RBL1: variants seen among roughly 807,000 people sequenced by gnomAD.
RBL1 encodes the protein RB transcriptional corepressor like 1, also known as retinoblastoma-like protein 1.
A neutral mutation model predicts 123.0 loss-of-function variants in RBL1; 82 were observed. The ratio of observed to expected loss-of-function variants is 0.67; its 90% CI spans 0.56 to 0.80. The LOEUF is 0.80. Among genes scored for constraint, RBL1 ranks in the 30% least tolerant of loss-of-function variants. The probability of loss-of-function intolerance (pLI) is 0.00; values close to 1 mark genes in which losing one functional copy is unlikely to be tolerated. For missense variants in RBL1, 1,171 were observed against 1,299.6 expected (o/e 0.90, Z 1.52); for synonymous variants, 405 against 441.3 (o/e 0.92, Z 1.03).
chr20:37,014,804 T>C (rs369737554), intron 19 of RBL1, among the ~76,000 whole-genome samples: 5 of 152,210 alleles, frequency 3.3e-5, no homozygotes, highest in African/African-American at 9.6e-5. Context: ...GGCTGACGCC[T>C]GTAATCCCAG....
rs1349680009 is a variant in RBL1, at chr20:37,061,267, T to C, written c.1086A>G (p.Lys362=). 1 of 1,605,190 alleles carries C rather than the reference T, an allele frequency of 6.2e-7. No individual in the cohort carries two copies. The highest frequency in any genetic ancestry group is 8.5e-7 in the Non-Finnish European group (1 of 1,175,562). ...GTGGGGTAGAAGGTGCAAATGACCT[T>C]TTCTGTCAGAAAAGAAAAATCCGTG... The part of the protein sequence containing the change: ...EYNLQQHFEK[K]RSFAPSTPLT... Residue 362 remains lysine (K), a splice_region_variant and synonymous_variant, in exon 9 of 22, where the codon AAA becomes AAG. Coordinates refer to ENST00000373664, the MANE Select transcript of RBL1 (RefSeq NM_002895.5).
At chr20:37,081,756 C>A in intron 2 of RBL1, 1 of 283,512 alleles carries the variant, frequency 3.5e-6, no homozygotes, top group Non-Finnish European at 7.0e-6. Flanking sequence ...GGTAAAATAA[C>A]CAGTGTCTAT....
At chr20:37,033,745 G>C (rs1287878519) in intron 15 of RBL1, among the ~76,000 whole-genome samples, 1 of 150,632 alleles carries the variant, frequency 6.6e-6, no homozygotes, top group Non-Finnish European at 1.5e-5. Context: ...CTGAATAGTT[G>C]GGACTACAGG....
intron 2 of RBL1, among the ~76,000 whole-genome samples, chr20:37,079,203 C>CAAAAA (rs760548490): frequency 1.7e-5 from 1 of 60,040 alleles, no homozygotes; most frequent in African/African-American, 6.7e-5. Flanking sequence ...CTGTCTCAGC[C>CAAAAA]AAAAAAAAAA....
chr20:37,012,840 G>A (rs1324883564), intron 19 of RBL1, among the ~76,000 whole-genome samples: 2 of 147,730 alleles, frequency 1.4e-5, no homozygotes, highest in Non-Finnish European at 3.0e-5. Flanking sequence ...GGTGAGGGGC[G>A]CCTCTGCCTG....
chr20:37,004,604 T>G (rs1247977959), intron 20 of RBL1, among the ~76,000 whole-genome samples: 1 of 148,978 alleles, frequency 6.7e-6, no homozygotes, highest in Non-Finnish European at 1.5e-5. Flanking sequence ...TCCGAGCTAT[T>G]TGGGAGGCTG....
chr20:37,032,096 G>C (rs929387490), intron 16 of RBL1, among the ~76,000 whole-genome samples: 3 of 151,566 alleles, frequency 2.0e-5, no homozygotes, highest in Admixed American at 2.0e-4. Flanking sequence ...ACTCACAATA[G>C]CCAAAAGGTA....
chr20:37,017,217 T>C (rs1009935615), intron 19 of RBL1, among the ~76,000 whole-genome samples: 2 of 151,676 alleles, frequency 1.3e-5, no homozygotes. Flanking sequence ...CTACAAAAAA[T>C]ATAAAAATTC....
At position 37,003,748 on chromosome 20, in the gene RBL1, G is replaced by C. The variant is rs759365147; in HGVS notation, c.2990C>G (p.Thr997Arg). ...ISPHKNGSGL[T>R]PRSALLYKFN... Reference sequence around the variant, plus strand: ...CTTGTACAGCAGAGCGCTTCTTGGTGTAAGGCCTGACCCATTCTTGTGCGG... The same window carrying C: ...CTTGTACAGCAGAGCGCTTCTTGGTCTAAGGCCTGACCCATTCTTGTGCGG... Residue 997 changes from threonine (T) to arginine (R), a missense_variant, in exon 21 of 22, where the codon ACA becomes AGA. By Grantham distance (71) the Thr-to-Arg change is moderately conservative. Coordinates refer to ENST00000373664, the MANE Select transcript of RBL1 (RefSeq NM_002895.5). 4 of 1,613,918 alleles carry C rather than the reference G, an allele frequency of 2.5e-6. No individual in the cohort carries two copies. The South Asian group carries it at 4.4e-5, about 18-fold the overall frequency.
intron 7 of RBL1, among the ~76,000 whole-genome samples, chr20:37,064,845 C>T (rs962706262): frequency 6.6e-6 from 1 of 151,926 alleles, no homozygotes; most frequent in African/African-American, 2.4e-5. Flanking sequence ...AGGCTGATCT[C>T]AAACTCCTGA....
intron 17 of RBL1, 135 bp downstream of exon 17, chr20:37,022,515 T>G: frequency 1.2e-5 from 9 of 726,522 alleles, no homozygotes; most frequent in African/African-American, 1.8e-5. Context: ...TTTATAGAGA[T>G]GAGGTTTCAC....
chr20:37,080,092 T>C (rs1339366466), intron 2 of RBL1, among the ~76,000 whole-genome samples: 2 of 152,168 alleles, frequency 1.3e-5, no homozygotes, highest in African/African-American at 4.8e-5. Flanking sequence ...ATTCCCCATT[T>C]TTACCAAAGA....
At chr20:37,048,434 C>T in intron 11 of RBL1, among the ~76,000 whole-genome samples, 1 of 152,184 alleles carries the variant, frequency 6.6e-6, no homozygotes, top group East Asian at 1.9e-4. Context: ...AGGTGAAACT[C>T]TGCAGACTGA....
intron 21 of RBL1, among the ~76,000 whole-genome samples, chr20:37,000,500 C>A (rs1192028625): frequency 7.0e-6 from 1 of 143,108 alleles, no homozygotes; most frequent in Non-Finnish European, 1.5e-5. Flanking sequence ...CCAGCCGCCC[C>A]GTCCGGGAGG....
chr20:37,023,147 ATT>A (rs1451003714), intron 16 of RBL1, among the ~76,000 whole-genome samples: 1 of 149,544 alleles, frequency 6.7e-6, no homozygotes, highest in Non-Finnish European at 1.5e-5. Flanking sequence ...TCTTAGGTGG[ATT>A]CTCGCTCTGT....
chr20:37,080,617 C>T (rs575025359), intron 2 of RBL1, among the ~76,000 whole-genome samples: 2 of 150,738 alleles, frequency 1.3e-5, no homozygotes, highest in Middle Eastern at 7.0e-3. Flanking sequence ...CACCATTGCG[C>T]CCAGCAAATT....
At chr20:37,024,556 G>A (rs937053268) in intron 16 of RBL1, among the ~76,000 whole-genome samples, 2 of 152,156 alleles carry the variant, frequency 1.3e-5, no homozygotes, top group African/African-American at 4.8e-5. Context: ...ACTGAGTTCA[G>A]CATAGATAAT....
chr20:37,022,301 G>C (rs772611766), intron 17 of RBL1, among the ~76,000 whole-genome samples: 1 of 152,140 alleles, frequency 6.6e-6, no homozygotes, highest in Non-Finnish European at 1.5e-5. Flanking sequence ...AATAAATCAC[G>C]AGAAAGCAAT....
chr20:37,024,919 A>T (rs1411545716), intron 16 of RBL1, among the ~76,000 whole-genome samples: 1 of 151,934 alleles, frequency 6.6e-6, no homozygotes, highest in Non-Finnish European at 1.5e-5. Context: ...AAAGAGCAAG[A>T]CTCTCCCTCA....
Sources: allele counts gnomAD v4.1 joint callset (sites outside exome capture counted in the v4.1 genomes callset), GRCh38; gene constraint gnomAD v4.1.1; transcripts MANE v1.5; gene names NCBI Gene and HGNC (gene_info 2026-07-23, HGNC 2026-07-21).